Variants in RGL1 observed in about 807,000 individuals in gnomAD.
RGL1 encodes ral guanine nucleotide dissociation stimulator like 1.
Under a neutral mutation model 95.2 loss-of-function variants are expected in RGL1, and 24 were observed. The observed-to-expected ratio is 0.25, with a 90% CI of 0.18 to 0.35. RGL1 has a LOEUF of 0.35. RGL1 is among the 10% of genes least tolerant of loss of function. The pLI is 1.00. For missense variants in RGL1, 715 were observed against 936.3 expected, an observed-to-expected ratio of 0.76 and a Z score of 3.08; for synonymous variants, 329 against 344.9, an observed-to-expected ratio of 0.95 and a Z score of 0.51.
intron 1 of RGL1, among the ~76,000 whole-genome samples, chr1:183,674,845 G>GC (rs1342466351): frequency 1.3e-5 from 2 of 152,144 alleles, no homozygotes; most frequent in Non-Finnish European, 2.9e-5. Context: ...TTGTGTTAAT[G>GC]CCCCCCTTTC....
At chr1:183,848,234 C>T (rs1348090579) in intron 3 of RGL1, among the ~76,000 whole-genome samples, 1 of 152,154 alleles carries the variant, frequency 6.6e-6, no homozygotes, top group East Asian at 1.9e-4. Flanking sequence ...ATGATGATAA[C>T]TATTAACAGT....
intron 1 of RGL1, among the ~76,000 whole-genome samples, chr1:183,693,260 G>T (rs1654066766): frequency 6.6e-6 from 1 of 151,940 alleles, no homozygotes; most frequent in Non-Finnish European, 1.5e-5. Flanking sequence ...AGCCAGAAAT[G>T]TTTAATATAT....
chr1:183,752,856 A>G (rs1002017783), intron 2 of RGL1, among the ~76,000 whole-genome samples: 1 of 152,246 alleles, frequency 6.6e-6, no homozygotes, highest in African/African-American at 2.4e-5. Context: ...GGGAGCTAGC[A>G]TAAAGTTTAA....
At chr1:183,919,497 A>T (rs915731258) in intron 16 of RGL1, among the ~76,000 whole-genome samples, 1 of 152,178 alleles carries the variant, frequency 6.6e-6, no homozygotes, top group African/African-American at 2.4e-5. Context: ...GATCTCATGG[A>T]TCCCCTCACA....
At chr1:183,830,298 C>A (rs1411623677) in intron 2 of RGL1, among the ~76,000 whole-genome samples, 1 of 152,048 alleles carries the variant, frequency 6.6e-6, no homozygotes, top group African/African-American at 2.4e-5. Flanking sequence ...ACGCTTAGAA[C>A]CTGGTATGGG....
At chr1:183,773,846 A>G (rs1411275611) in intron 2 of RGL1, among the ~76,000 whole-genome samples, 1 of 152,344 alleles carries the variant, frequency 6.6e-6, no homozygotes, top group East Asian at 1.9e-4. Flanking sequence ...GAATAAAAAA[A>G]TGGCAAACAA....
At chr1:183,802,564 G>A (rs559535138), upstream of RGL1, among the ~76,000 whole-genome samples, 8 of 116,938 alleles carry the variant, frequency 6.8e-5, no homozygotes, top group South Asian at 6.1e-4. Context: ...CTTTCAACCC[G>A]TAAACACGGG....
At chr1:183,756,632 T>C (rs920026078) in intron 2 of RGL1, among the ~76,000 whole-genome samples, 1 of 152,224 alleles carries the variant, frequency 6.6e-6, no homozygotes, top group African/African-American at 2.4e-5. Context: ...GTCTCTCTTC[T>C]CTGTCCACAC....
intron 4 of RGL1, 94 bp downstream of exon 4, chr1:183,866,167 T>C: frequency 2.8e-6 from 3 of 1,077,146 alleles, no homozygotes; most frequent in Non-Finnish European, 4.2e-6. Flanking sequence ...AATGTTGCCA[T>C]GATTTTTTTT....
chr1:183,797,624 GA>G (rs1276394344), intron 2 of RGL1, among the ~76,000 whole-genome samples: 1 of 152,210 alleles, frequency 6.6e-6, no homozygotes, highest in African/African-American at 2.4e-5. Flanking sequence ...TGGTCCCTCA[GA>G]AAATGGAAGC....
chr1:183,646,116 G>A (rs1397625030), intron 1 of RGL1, among the ~76,000 whole-genome samples: 3 of 152,196 alleles, frequency 2.0e-5, no homozygotes, highest in Non-Finnish European at 4.4e-5. Flanking sequence ...GATTTGTCAT[G>A]TTGGGATCTT....
At chr1:183,863,820 T>C (rs1307865906) in intron 3 of RGL1, among the ~76,000 whole-genome samples, 1 of 152,176 alleles carries the variant, frequency 6.6e-6, no homozygotes, top group Non-Finnish European at 1.5e-5. Flanking sequence ...GTCCAAGTTA[T>C]TATCAAGCAG....
chr1:183,889,977 C>T (rs1572559935), intron 8 of RGL1, among the ~76,000 whole-genome samples: 4 of 152,078 alleles, frequency 2.6e-5, no homozygotes, highest in Admixed American at 2.6e-4. Flanking sequence ...TTCCTCTGCA[C>T]ATTTCTCCTT....
chr1:183,828,449 A>G (rs1302574411), intron 2 of RGL1, among the ~76,000 whole-genome samples: 1 of 152,152 alleles, frequency 6.6e-6, no homozygotes, highest in Admixed American at 6.6e-5. Context: ...GGTAGAGGGC[A>G]GCACGTGGGG....
At chr1:183,870,272 C>A (rs113975722) in intron 4 of RGL1, among the ~76,000 whole-genome samples, 4 of 151,998 alleles carry the variant, frequency 2.6e-5, no homozygotes, top group Non-Finnish European at 5.9e-5. Flanking sequence ...TCTCGGTCTT[C>A]AGGGGTATGT....
At chr1:183,668,930 A>ACTTT in intron 1 of RGL1, among the ~76,000 whole-genome samples, 1 of 125,816 alleles carries the variant, frequency 7.9e-6, no homozygotes, top group East Asian at 2.2e-4. Context: ...TTGGTATTGG[A>ACTTT]CTTTCTTTTC....
intron 1 of RGL1, among the ~76,000 whole-genome samples, chr1:183,667,036 C>T (rs1218222152): frequency 6.6e-6 from 1 of 152,202 alleles, no homozygotes. Flanking sequence ...TTGTTAGGCA[C>T]ACACACATTA....
At chr1:183,836,746 G>T (rs1315905524) in intron 2 of RGL1, among the ~76,000 whole-genome samples, 2 of 152,110 alleles carry the variant, frequency 1.3e-5, no homozygotes, top group African/African-American at 4.8e-5. Flanking sequence ...AGTGCTGAGG[G>T]ATAGAATACT....
intron 1 of RGL1, among the ~76,000 whole-genome samples, chr1:183,661,158 A>G (rs1240636546): frequency 3.3e-5 from 5 of 152,354 alleles, no homozygotes; most frequent in African/African-American, 1.2e-4. Flanking sequence ...CTAGAAAAGC[A>G]AGAGCAAAGA....
Sources: allele counts gnomAD v4.1 joint callset (sites outside exome capture counted in the v4.1 genomes callset), GRCh38; gene constraint gnomAD v4.1.1; transcripts MANE v1.5; gene names NCBI Gene and HGNC (gene_info 2026-07-23, HGNC 2026-07-21).